PTCD2: variants seen among roughly 807,000 people sequenced by gnomAD.
PTCD2 encodes pentatricopeptide repeat domain 2.
PTCD2 carries 31 observed loss-of-function variants against 42.6 expected under a neutral mutation model. The ratio of observed to expected loss-of-function variants is 0.73; its 90% confidence interval spans 0.55 to 0.98. The LOEUF is 0.98. Ranked by LOEUF, PTCD2 falls within the 50% of genes least tolerant of loss-of-function variation. PTCD2 has a pLI of 0.00. For missense variants in PTCD2, 476 were observed against 454.8 expected (o/e 1.05, Z -0.42); for synonymous variants, 183 against 170.9 (o/e 1.07, Z -0.55).
chr5:72,350,314 G>A (rs1372080058), intron 8 of PTCD2, among the ~76,000 whole-genome samples: 1 of 152,206 alleles, frequency 6.6e-6, no homozygotes, highest in Non-Finnish European at 1.5e-5. Flanking sequence ...TGTAGCAGTA[G>A]CCAGAATATT....
In PTCD2 at chr5:72,320,410, T is replaced by A. The variant is rs763525833; in HGVS notation, c.28T>A (p.Phe10Ile). MVRDSMAAA[F>I]RPSNRVLLQA... The stretch of plus-strand genomic sequence containing the variant: ...GGTCCGAGACAGTATGGCTGCTGCA[T>A]TTCGGCCCTCGAATCGAGTTCTCCT... The change falls in exon 1 of 10, where the codon TTT becomes ATT. Residue 10 changes from phenylalanine to isoleucine, a missense_variant. Phe to Ile is a conservative substitution (Grantham distance 21). Coordinates refer to ENST00000380639, the MANE Select transcript of PTCD2 (RefSeq NM_024754.5). 6.2e-7 allele frequency: 1 copy of A among 1,614,136 alleles called. No individual in the cohort carries two copies. The highest frequency in any genetic ancestry group is 1.7e-5 in the Admixed American group (1 of 60,028).
chr5:72,327,659 G>A (rs562686224), intron 3 of PTCD2, among the ~76,000 whole-genome samples: 6 of 152,072 alleles, frequency 3.9e-5, no homozygotes, highest in African/African-American at 1.2e-4. Flanking sequence ...TTTTAGTAGA[G>A]AGTGGGTTTT....
intron 5 of PTCD2, chr5:72,335,434 C>T (rs532901529): frequency 5.2e-5 from 10 of 192,768 alleles, no homozygotes; most frequent in South Asian, 2.2e-4. Context: ...CCGGCCTGGG[C>T]GACAGAGCGA....
At chr5:72,344,972 A>G (rs903169240) in intron 8 of PTCD2, among the ~76,000 whole-genome samples, 1 of 152,206 alleles carries the variant, frequency 6.6e-6, no homozygotes, top group Non-Finnish European at 1.5e-5. Context: ...AGTTTCGGGC[A>G]TGCATTGTCA....
rs1297480746 is a variant in PTCD2 at position 72,364,523 on chromosome 5, AT to A, written c.*6099del. Reference sequence around the variant, plus strand: ...TCTCCTGAAGAACAGAGTATTCTACATTTGTTTTATATGACCCCAAGGTGCT... The same window carrying A: ...TCTCCTGAAGAACAGAGTATTCTACATTGTTTTATATGACCCCAAGGTGCT... On this transcript the variant is annotated 3_prime_UTR_variant, in exon 10 of 10. Transcript: ENST00000380639. The A allele has an allele frequency of 1.3e-5, 2 of 152,166 alleles. No homozygotes were observed. The highest frequency in any genetic ancestry group is 4.8e-5 in the African/African-American group (2 of 41,430). 9.4% of individuals were successfully genotyped at this position (152,166 alleles called of 1,614,324 possible). A position where few individuals can be genotyped will look rare whatever the true frequency, so the allele number is the denominator to read the frequency against.
At position 72,367,489 on chromosome 5, in the gene PTCD2, C is replaced by G. The variant is rs533816783; in HGVS notation, c.*9062C>G. 1.3e-5 allele frequency: 2 copies of G among 152,198 alleles called. No individual in the cohort carries two copies. Among genetic ancestry groups the G allele is most frequent in the Non-Finnish European group, 1.5e-5 (1 of 68,050 alleles). 9.4% of individuals were successfully genotyped at this position (152,198 alleles called of 1,614,324 possible). A position where few individuals can be genotyped will look rare whatever the true frequency, so the allele number is the denominator to read the frequency against. On this transcript the variant is annotated 3_prime_UTR_variant, in exon 10 of 10. Coordinates refer to ENST00000380639, the MANE Select transcript of PTCD2 (RefSeq NM_024754.5). ...GAAACAAACTGTTAATGACTCTAAA[C>G]AATGTGGCCCACAGAGTTGGTATGG... is the stretch of plus-strand genomic sequence containing the variant.
At chr5:72,346,226 A>G (rs1181603749) in intron 8 of PTCD2, among the ~76,000 whole-genome samples, 3 of 152,246 alleles carry the variant, frequency 2.0e-5, no homozygotes, top group Admixed American at 1.3e-4. Flanking sequence ...AAAATACTAG[A>G]AAAATATCGA....
rs951161201 is a variant in PTCD2, at chr5:72,365,861, G to A, written c.*7434G>A. The A allele has an allele frequency of 6.6e-6, 1 of 152,090 alleles. No individual in the cohort carries two copies. Among genetic ancestry groups the A allele is most frequent in the Non-Finnish European group, 1.5e-5 (1 of 68,004 alleles). The allele number at this position is 152,090 out of a possible 1,614,324, so 9.4% of individuals were successfully genotyped here. A position where few individuals can be genotyped will look rare whatever the true frequency, so the allele number is the denominator to read the frequency against. On this transcript the variant is annotated 3_prime_UTR_variant, in exon 10 of 10. Coordinates refer to ENST00000380639, the MANE Select transcript of PTCD2 (RefSeq NM_024754.5). ...TGATACAGAATTCAACAAAAACGGG[G>A]CTTATAAAAAGCCAGGGTTCATAAA...
chr5:72,320,415 G>A lies in PTCD2; in HGVS notation c.33G>A (p.Arg11=). The A allele has an allele frequency of 1.9e-6, 3 of 1,614,200 alleles. No individual in the cohort carries two copies. Among genetic ancestry groups the A allele is most frequent in the East Asian group, 2.2e-5 (1 of 44,874 alleles). ...GAGACAGTATGGCTGCTGCATTTCG[G>A]CCCTCGAATCGAGTTCTCCTGCAGG... MVRDSMAAAF[R]PSNRVLLQAL... The change falls in exon 1 of 10, where the codon CGG becomes CGA. Residue 11 remains arginine (R), a synonymous_variant. Coordinates refer to ENST00000380639, the MANE Select transcript of PTCD2 (RefSeq NM_024754.5).
At chr5:72,344,074 G>T (rs1752222315) in intron 8 of PTCD2, among the ~76,000 whole-genome samples, 1 of 151,796 alleles carries the variant, frequency 6.6e-6, no homozygotes, top group Admixed American at 6.6e-5. Context: ...GGTCGGGTTG[G>T]CCGGCAGGAG....
At chr5:72,348,906 C>A (rs538292431) in intron 8 of PTCD2, among the ~76,000 whole-genome samples, 1 of 152,320 alleles carries the variant, frequency 6.6e-6, no homozygotes, top group African/African-American at 2.4e-5. Flanking sequence ...AAAGTTCTAG[C>A]ATATGCTGGG....
rs1211920899 is a variant in PTCD2 at position 72,359,829 on chromosome 5, A to T, written c.*1402A>T. Reference sequence around the variant, plus strand: ...AGTATCCTTCCCACTGTACCACATTATCTCTTTTCAGAGGGGAAAAAGGAG... The same window carrying T: ...AGTATCCTTCCCACTGTACCACATTTTCTCTTTTCAGAGGGGAAAAAGGAG... On this transcript the variant is annotated 3_prime_UTR_variant, in exon 10 of 10. Coordinates refer to ENST00000380639, the MANE Select transcript of PTCD2 (RefSeq NM_024754.5). 6.6e-6 allele frequency: 1 copy of T among 152,100 alleles called. No homozygotes were observed. The highest frequency in any genetic ancestry group is 1.5e-5 in the Non-Finnish European group (1 of 68,030). The allele number at this position is 152,100 out of a possible 1,614,324, so 9.4% of individuals were successfully genotyped here.
chr5:72,357,968 T>A (rs1470213283), intron 9 of PTCD2, among the ~76,000 whole-genome samples: 3 of 152,062 alleles, frequency 2.0e-5, no homozygotes, highest in African/African-American at 7.2e-5. Context: ...AACTAATTTT[T>A]AAAAAAATTT....
At chr5:72,354,382 GAAAAAAA>G (rs35170727) in intron 9 of PTCD2, among the ~76,000 whole-genome samples, 4 of 29,812 alleles carry the variant, frequency 1.3e-4, no homozygotes, top group Admixed American at 1.1e-3. Flanking sequence ...GACTCCATCT[GAAAAAAA>G]AAAAAAAAAA....
intron 7 of PTCD2, among the ~76,000 whole-genome samples, chr5:72,339,768 C>T (rs938530517): frequency 5.1e-4 from 76 of 150,360 alleles, no homozygotes; most frequent in Non-Finnish European, 8.9e-5. Context: ...ATCACTGTTA[C>T]ATCGTCATTG....
At chr5:72,341,888 A>G (rs1752082694) in intron 7 of PTCD2, among the ~76,000 whole-genome samples, 1 of 151,342 alleles carries the variant, frequency 6.6e-6, no homozygotes, top group African/African-American at 2.4e-5. Context: ...TGAAAATACA[A>G]AAAAAAATTA....
At chr5:72,328,197 A>G (rs1374826314) in intron 3 of PTCD2, among the ~76,000 whole-genome samples, 1 of 152,196 alleles carries the variant, frequency 6.6e-6, no homozygotes, top group African/African-American at 2.4e-5. Context: ...ATTCAGGCCC[A>G]TCTCCACTGA....
At chr5:72,320,721 ATTGAC>A (rs1329060422) in intron 1 of PTCD2, 1 of 626,748 alleles carries the variant, frequency 1.6e-6, no homozygotes, top group Non-Finnish European at 2.8e-6. Context: ...CTGCTGGGGT[ATTGAC>A]CTTGGGGCTG....
intron 8 of PTCD2, among the ~76,000 whole-genome samples, chr5:72,348,853 G>A (rs1209713393): frequency 6.6e-6 from 1 of 152,204 alleles, no homozygotes; most frequent in Non-Finnish European, 1.5e-5. Flanking sequence ...TAATACAGGT[G>A]AATGTGTTAA....
Sources: allele counts gnomAD v4.1 joint callset (sites outside exome capture counted in the v4.1 genomes callset), GRCh38; gene constraint gnomAD v4.1.1; transcripts MANE v1.5; gene names NCBI Gene and HGNC (gene_info 2026-07-23, HGNC 2026-07-21).